The following PCDHGA4 variants were observed in gnomAD, a reference collection of about 807,000 sequenced individuals.
PCDHGA4 encodes protocadherin gamma subfamily A, 4.
A neutral mutation model predicts 54.6 loss-of-function variants in PCDHGA4; 38 were observed. The observed-to-expected ratio is 0.70, with a 90% CI of 0.54 to 0.91. The LOEUF is 0.91. PCDHGA4 is among the 40% of genes least tolerant of loss of function. PCDHGA4 has a pLI of 0.00. For missense variants in PCDHGA4, 1,298 were observed against 1,220.9 expected, an observed-to-expected ratio of 1.06 and a Z score of -0.94; for synonymous variants, 511 against 512.9, an observed-to-expected ratio of 1.00 and a Z score of 0.05.
At position 141,476,458 on chromosome 5, in the gene PCDHGA4, C is replaced by A. The variant is rs368153419; in HGVS notation, c.2515-18349C>A. Reference sequence around the variant, plus strand: ...TAACTCTGGAGTTGGTAGTGGAGAACCCGCTGGAGCTGTTCAGCGTGGAAG... The same window carrying A: ...TAACTCTGGAGTTGGTAGTGGAGAAACCGCTGGAGCTGTTCAGCGTGGAAG... On this transcript the variant is annotated intron_variant, in intron 1 of 3. Transcript: ENST00000571252. This position sits in a 1 kb window ranked among gnomAD's most constrained non-coding sequence, Gnocchi z 7.6. 1 of 1,613,928 alleles carries A rather than the reference C, an allele frequency of 6.2e-7. No individual in the cohort carries two copies. Among genetic ancestry groups the A allele is most frequent in the Non-Finnish European group, 8.5e-7 (1 of 1,180,022 alleles).
In PCDHGA4 at chr5:141,489,621, T is replaced by C. The variant is rs765666746; in HGVS notation, c.2515-5186T>C. 29 of 1,613,978 alleles carry C rather than the reference T, an allele frequency of 1.8e-5. No individual in the cohort carries two copies. The highest frequency in any genetic ancestry group is 1.6e-4 in the Middle Eastern group (1 of 6,084). On this transcript the variant is annotated intron_variant, in intron 1 of 3. Transcript: ENST00000571252. The surrounding 1 kb of genome is among the most constrained non-coding windows in gnomAD (Gnocchi z 4.5). ...TAGAGGTAGAGATCCTGGATCTCAATGACAACTCTCCTAGCTTTGCCACCC... is the reference window on the plus strand; with the variant it reads ...TAGAGGTAGAGATCCTGGATCTCAACGACAACTCTCCTAGCTTTGCCACCC...
intron 1 of PCDHGA4, chr5:141,383,693 A>C (rs771447649): frequency 3.7e-6 from 6 of 1,613,930 alleles, no homozygotes; most frequent in Non-Finnish European, 5.1e-6. Context: ...CTCACGGTAC[A>C]TGCTATCGAC....
chr5:141,478,302 C>T lies in PCDHGA4; in HGVS notation c.2515-16505C>T. On this transcript the variant is annotated intron_variant, in intron 1 of 3. Transcript: ENST00000571252. ...AAGCAGTCTAGAGACCTATACCGAG[C>T]CCCGGTGAGCTCACTGTACCGAACA... 4 of 1,614,070 alleles carry T rather than the reference C, an allele frequency of 2.5e-6. No individual in the cohort carries two copies. Among genetic ancestry groups the T allele is most frequent in the Non-Finnish European group, 3.4e-6 (4 of 1,180,038 alleles).
At chr5:141,474,087 A>C (rs1483673747) in intron 1 of PCDHGA4, among the ~76,000 whole-genome samples, 4 of 152,198 alleles carry the variant, frequency 2.6e-5, no homozygotes, top group South Asian at 2.1e-4. Context: ...AAAACCAAAA[A>C]ACAAACAACA....
Position 141,356,826 on chromosome 5 carries a change from CA to C in PCDHGA4, c.1720del (p.Ser574AlafsTer6). The part of the protein sequence containing the change: ...TASDSGDPPL[S>X]SNVSLSLFVL... ...CCAGTGACAGTGGAGACCCTCCACT[CA>C]GCAGCAATGTGTCACTGAGCCTCTT... On this transcript the variant is annotated frameshift_variant, in exon 1 of 4. Transcript: ENST00000571252. LOFTEE classifies it high-confidence loss of function. 6.2e-7 allele frequency: 1 copy of C among 1,614,136 alleles called. No homozygotes were observed. The highest frequency in any genetic ancestry group is 8.5e-7 in the Non-Finnish European group (1 of 1,179,980).
intron 1 of PCDHGA4, chr5:141,430,780 C>T: frequency 6.6e-7 from 1 of 1,511,476 alleles, no homozygotes; most frequent in Non-Finnish European, 8.8e-7. Flanking sequence ...CGCGACTGCA[C>T]CGGGACTACA....
intron 1 of PCDHGA4, chr5:141,364,386 T>A (rs543592741): frequency 6.3e-7 from 1 of 1,592,172 alleles, no homozygotes; most frequent in South Asian, 1.1e-5. Context: ...CCCTTCATGC[T>A]CCTGGGGACG....
intron 1 of PCDHGA4, among the ~76,000 whole-genome samples, chr5:141,473,706 G>C (rs1241009670): frequency 6.6e-6 from 1 of 152,186 alleles, no homozygotes; most frequent in African/African-American, 2.4e-5. Context: ...CCTCCAAGTG[G>C]TGCAATGGAA....
intron 1 of PCDHGA4, chr5:141,398,937 C>T (rs2093727338): frequency 1.9e-6 from 3 of 1,613,902 alleles, no homozygotes; most frequent in Non-Finnish European, 2.5e-6. Flanking sequence ...CTGACCAAGA[C>T]GAGGGCATCA....
At chr5:141,410,363 C>T (rs1341289640) in intron 1 of PCDHGA4, 6 of 1,614,068 alleles carry the variant, frequency 3.7e-6, no homozygotes, top group Non-Finnish European at 3.4e-6. Flanking sequence ...CTCTCTCAGC[C>T]CTGCTACTTG....
intron 1 of PCDHGA4, chr5:141,371,218 C>G: frequency 1.2e-6 from 2 of 1,613,994 alleles, no homozygotes; most frequent in Non-Finnish European, 1.7e-6. Flanking sequence ...GGCATCAATG[C>G]CGAAATCATC....
chr5:141,450,645 C>T (rs2098688869), intron 1 of PCDHGA4, among the ~76,000 whole-genome samples: 2 of 151,618 alleles, frequency 1.3e-5, no homozygotes, highest in Non-Finnish European at 2.9e-5. Context: ...TGCCACCATG[C>T]CTGGCTAATT....
At chr5:141,450,642 A>C (rs2098688710) in intron 1 of PCDHGA4, among the ~76,000 whole-genome samples, 1 of 151,504 alleles carries the variant, frequency 6.6e-6, no homozygotes, top group Non-Finnish European at 1.5e-5. Context: ...GCCTGCCACC[A>C]TGCCTGGCTA....
In PCDHGA4 at chr5:141,490,925, C is replaced by T; in HGVS notation, c.2515-3882C>T. 1 of 1,613,688 alleles carries T rather than the reference C, an allele frequency of 6.2e-7. No homozygotes were observed. The highest frequency in any genetic ancestry group is 8.5e-7 in the Non-Finnish European group (1 of 1,179,700). On this transcript the variant is annotated intron_variant, in intron 1 of 3. Coordinates refer to ENST00000571252, the MANE Select transcript of PCDHGA4 (RefSeq NM_018917.4). The surrounding 1 kb of genome is among the most constrained non-coding windows in gnomAD (Gnocchi z 5.4). ...GTCCTAGACGAGAATGATAATGCCC[C>T]AGCTGTGCTGCACCCACGGCCAGAC... is the stretch of plus-strand genomic sequence containing the variant.
intron 1 of PCDHGA4, chr5:141,366,279 G>T: frequency 6.2e-7 from 1 of 1,613,692 alleles, no homozygotes; most frequent in Non-Finnish European, 8.5e-7. Context: ...GAAGACCATG[G>T]CCAGCCCCCT....
chr5:141,360,389 T>G, intron 1 of PCDHGA4: 1 of 1,613,908 alleles, frequency 6.2e-7, no homozygotes, highest in Non-Finnish European at 8.5e-7. Context: ...GGAGACTTAC[T>G]TGTGAGTGAC....
chr5:141,403,809 A>C (rs1242181843), intron 1 of PCDHGA4: 1 of 1,613,904 alleles, frequency 6.2e-7, no homozygotes, highest in South Asian at 1.1e-5. Flanking sequence ...AAAATTAATG[A>C]AAAACAATCT....
intron 1 of PCDHGA4, chr5:141,440,036 A>T (rs540100930): frequency 6.5e-6 from 1 of 153,058 alleles, no homozygotes; most frequent in Non-Finnish European, 1.5e-5. Context: ...TGTCGAGGAC[A>T]TGCCCACTTG....
chr5:141,372,366 G>A lies in PCDHGA4; in HGVS notation c.2514+14745G>A, dbSNP rs867619570. ...AGGACAGCAGCCTCTTTCAGCCACC[G>A]TCATGCTGCACCTAATCTTCGCAGA... On this transcript the variant is annotated intron_variant, in intron 1 of 3. Coordinates refer to ENST00000571252, the MANE Select transcript of PCDHGA4 (RefSeq NM_018917.4). The A allele has an allele frequency of 3.7e-6, 6 of 1,613,832 alleles. No homozygotes were observed. In the African/African-American group the frequency reaches 6.7e-5, roughly 18 times the overall value.
Sources: gnomAD v4.1 joint callset for allele counts (sites outside exome capture counted in the v4.1 genomes callset) on GRCh38, gnomAD v4.1.1 for gene constraint, Gnocchi (gnomAD v3.1) non-coding constraint, MANE v1.5 for transcripts, NCBI Gene and HGNC (gene_info 2026-07-23, HGNC 2026-07-21) for gene names.